DCHS2: variants seen among roughly 807,000 people sequenced by gnomAD.
The protein encoded by DCHS2 is protocadherin-23.
In DCHS2, 142 loss-of-function variants were observed where a neutral mutation model predicts 182.4. That is an observed-to-expected ratio of 0.78 (90% CI 0.68 to 0.89). DCHS2 has a LOEUF of 0.89. DCHS2 is among the 40% of genes least tolerant of loss of function. The pLI, the probability that DCHS2 is intolerant of heterozygous loss-of-function variation, is 0.00. For synonymous variants in DCHS2, 1,740 were observed against 1,663.3 expected (o/e 1.05, Z -1.12); for missense variants, 4,319 against 4,198.6 (o/e 1.03, Z -0.79).
At chr4:154,430,416 G>C (rs1210796293) in intron 1 of DCHS2, among the ~76,000 whole-genome samples, 1 of 152,164 alleles carries the variant, frequency 6.6e-6, no homozygotes, top group Non-Finnish European at 1.5e-5. Context: ...CCAGGAACAT[G>C]AGTCTGTTTC....
chr4:154,248,981 T>G (rs1732218038), intron 16 of DCHS2, among the ~76,000 whole-genome samples: 2 of 152,042 alleles, frequency 1.3e-5, no homozygotes, highest in South Asian at 4.1e-4. Context: ...GCTATAGAAA[T>G]CCTAGAAGAA....
chr4:154,295,747 G>GT (rs1734898748), intron 13 of DCHS2, among the ~76,000 whole-genome samples: 2 of 152,292 alleles, frequency 1.3e-5, no homozygotes, highest in South Asian at 4.1e-4. Context: ...CTGTGAGGAA[G>GT]TCATCAAAGA....
chr4:154,297,866 C>T lies in DCHS2; in HGVS notation c.6448G>A (p.Glu2150Lys), dbSNP rs1488686445. 6.2e-7 allele frequency: 1 copy of T among 1,605,284 alleles called. No individual in the cohort carries two copies. Among genetic ancestry groups the T allele is most frequent in the African/African-American group, 1.3e-5 (1 of 74,470 alleles). Residue 2150 changes from glutamate (E) to lysine (K), a missense_variant, in exon 13 of 20, where the codon GAA becomes AAA. By Grantham distance (56) the Glu-to-Lys change is moderately conservative (BLOSUM62 1). Coordinates refer to ENST00000357232, the MANE Select transcript of DCHS2 (RefSeq NM_001358235.2). ...SHHLYKGLVT[E>K]NCEAGTSIVT... Reference sequence around the variant, plus strand: ...GGACACTCACCTGCCTCACAATTTTCAGTCACGAGCCCTTTATACAGGTGG... The same window carrying T: ...GGACACTCACCTGCCTCACAATTTTTAGTCACGAGCCCTTTATACAGGTGG...
intron 3 of DCHS2, among the ~76,000 whole-genome samples, chr4:154,349,587 T>C (rs1348631710): frequency 1.3e-5 from 2 of 152,230 alleles, no homozygotes; most frequent in African/African-American, 4.8e-5. Context: ...TTTGTGACAA[T>C]GGACACAAAC....
At chr4:154,313,274 GT>G (rs1735736480) in intron 10 of DCHS2, among the ~76,000 whole-genome samples, 2 of 152,122 alleles carry the variant, frequency 1.3e-5, no homozygotes, top group South Asian at 4.1e-4. Context: ...TGCTGCAGCA[GT>G]TTTAATACCT....
intron 16 of DCHS2, among the ~76,000 whole-genome samples, chr4:154,249,378 A>T (rs1270602551): frequency 6.6e-6 from 1 of 152,148 alleles, no homozygotes; most frequent in African/African-American, 2.4e-5. Context: ...TCAAAACATA[A>T]TGAGATACCA....
chr4:154,373,566 G>T (rs553794355), intron 2 of DCHS2, among the ~76,000 whole-genome samples: 1 of 152,280 alleles, frequency 6.6e-6, no homozygotes, highest in East Asian at 1.9e-4. Flanking sequence ...AGTGAAGGTT[G>T]GGGATTTGTT....
chr4:154,316,092 T>C, intron 9 of DCHS2, 105 bp from the exon 10 acceptor site: 1 of 1,488,798 alleles, frequency 6.7e-7, no homozygotes. Context: ...AATTCAGAAG[T>C]CTTAACTGCT....
rs186102516 is a variant in DCHS2 at position 154,333,160 on chromosome 4, G to A, written c.3048C>T (p.Tyr1016=). The A allele has an allele frequency of 4.1e-4, 654 of 1,614,200 alleles. No homozygotes were observed. Among genetic ancestry groups the A allele is most frequent in the Admixed American group, 1.8e-3 (111 of 60,030 alleles). ...RDSGRNGLIR[Y]SIASPQPGVF... ...CGCCTGGCTGCGGGCTGGCGATGGA[G>A]TACCGGATGAGTCCGTTCCGCCCAC... Residue 1016 remains tyrosine (Y), a synonymous_variant, in exon 5 of 20, where the codon TAC becomes TAT. Coordinates refer to ENST00000357232, the MANE Select transcript of DCHS2 (RefSeq NM_001358235.2).
intron 14 of DCHS2, chr4:154,269,594 T>G (rs1733471734): frequency 4.4e-6 from 1 of 228,026 alleles, no homozygotes; most frequent in Non-Finnish European, 8.5e-6. Context: ...GTGTCAATGA[T>G]CTCACTACTC....
chr4:154,375,879 G>A (rs1030119440), intron 2 of DCHS2, among the ~76,000 whole-genome samples: 2 of 152,032 alleles, frequency 1.3e-5, no homozygotes, highest in Non-Finnish European at 2.9e-5. Context: ...TTCACATAAA[G>A]GCATACTATA....
chr4:154,323,966 T>C (rs936255590), intron 7 of DCHS2, among the ~76,000 whole-genome samples: 5 of 152,168 alleles, frequency 3.3e-5, no homozygotes, highest in Non-Finnish European at 7.4e-5. Context: ...TTATCATCCC[T>C]TTTTCATGTA....
chr4:154,331,681 GC>G, intron 5 of DCHS2: 1 of 1,613,858 alleles, frequency 6.2e-7, no homozygotes, highest in Non-Finnish European at 8.5e-7. Context: ...AGCACCATCT[GC>G]CCAGGTTATG....
chr4:154,277,269 G>A (rs1733892558), intron 13 of DCHS2, among the ~76,000 whole-genome samples: 1 of 152,158 alleles, frequency 6.6e-6, no homozygotes, highest in Non-Finnish European at 1.5e-5. Flanking sequence ...GGCTACCTGT[G>A]GAGATGGTTT....
intron 1 of DCHS2, among the ~76,000 whole-genome samples, chr4:154,443,500 AG>A (rs1186881366): frequency 6.6e-6 from 1 of 152,162 alleles, no homozygotes; most frequent in East Asian, 1.9e-4. Flanking sequence ...AGAACACAAA[AG>A]GTAACCAGAA....
intron 7 of DCHS2, 72 bp downstream of exon 7, chr4:154,328,021 A>G (rs1483204633): frequency 2.8e-6 from 3 of 1,088,650 alleles, no homozygotes; most frequent in Non-Finnish European, 3.9e-6. Flanking sequence ...TTCTTTTCCC[A>G]GAAGGGGATA....
intron 1 of DCHS2, among the ~76,000 whole-genome samples, chr4:154,395,848 G>T (rs143169518): frequency 7.9e-4 from 121 of 152,330 alleles, no homozygotes; most frequent in Non-Finnish European, 1.6e-3. Flanking sequence ...AATAAGAGTT[G>T]CTAAGTAAGA....
At chr4:154,333,707 A>G in intron 4 of DCHS2, 1 of 597,118 alleles carries the variant, frequency 1.7e-6, no homozygotes, top group Non-Finnish European at 2.9e-6. Flanking sequence ...ATTGGGGTAC[A>G]ACTGCCTACA....
In DCHS2 at chr4:154,333,147, G is replaced by A. The variant is rs755426255; in HGVS notation, c.3061C>T (p.Pro1021Ser). The A allele has an allele frequency of 6.2e-7, 1 of 1,614,168 alleles. No individual in the cohort carries two copies. Among genetic ancestry groups the A allele is most frequent in the African/African-American group, 1.3e-5 (1 of 75,068 alleles). The change falls in exon 5 of 20, where the codon CCG becomes TCG. Residue 1021 changes from proline to serine, a missense_variant. Coordinates refer to ENST00000357232, the MANE Select transcript of DCHS2 (RefSeq NM_001358235.2). The stretch of plus-strand genomic sequence containing the variant: ...TCGATGGCAAAGACGCCTGGCTGCG[G>A]GCTGGCGATGGAGTACCGGATGAGT... ...NGLIRYSIASPQPGVFAIDRA... is the reference protein window; with the variant it reads ...NGLIRYSIASSQPGVFAIDRA...
Sources: gnomAD v4.1 joint callset for allele counts (sites outside exome capture counted in the v4.1 genomes callset) on GRCh38, gnomAD v4.1.1 for gene constraint, MANE v1.5 for transcripts, NCBI Gene and HGNC (gene_info 2026-07-23, HGNC 2026-07-21) for gene names.